MECOM: variants seen among roughly 807,000 people sequenced by gnomAD.
The protein encoded by MECOM is MDS1 and EVI1 complex locus.
Under a neutral mutation model 116.3 loss-of-function variants are expected in MECOM, and 13 were observed. The ratio of observed to expected loss-of-function variants is 0.11; its 90% CI spans 0.07 to 0.18. The LOEUF (loss-of-function observed/expected upper bound fraction) is 0.18, where lower values mean the gene tolerates loss of function less well. Ranked by LOEUF, MECOM falls within the 10% of genes least tolerant of loss-of-function variation. The probability of loss-of-function intolerance (pLI) is 1.00; values close to 1 mark genes in which losing one functional copy is unlikely to be tolerated. For synonymous variants in MECOM, 528 were observed against 535.2 expected, an observed-to-expected ratio of 0.99 and a Z score of 0.19; for missense variants, 1,299 against 1,509.0, an observed-to-expected ratio of 0.86 and a Z score of 2.31.
chr3:169,091,443 A>C (rs1444875033), intron 14 of MECOM, among the ~76,000 whole-genome samples: 1 of 152,158 alleles, frequency 6.6e-6, no homozygotes, highest in Non-Finnish European at 1.5e-5. Flanking sequence ...ACAAATCGCC[A>C]ATTAAAGGCT....
chr3:169,181,127 A>T (rs1745914882), intron 2 of MECOM, among the ~76,000 whole-genome samples: 1 of 152,052 alleles, frequency 6.6e-6, no homozygotes, highest in South Asian at 2.1e-4. Context: ...AGGGAATGAA[A>T]AACAGAGATG....
At chr3:169,610,527 G>GTGTA (rs946098201) in intron 1 of MECOM, among the ~76,000 whole-genome samples, 18 of 151,092 alleles carry the variant, frequency 1.2e-4, no homozygotes, top group East Asian at 5.9e-4. Context: ...GTGTGTGTGT[G>GTGTA]TATAATATCC....
intron 1 of MECOM, among the ~76,000 whole-genome samples, chr3:169,593,229 C>T (rs79302892): frequency 0.021 from 3,145 of 152,214 alleles, 45 homozygotes; most frequent in African/African-American, 0.031. Flanking sequence ...GGAAAACAAA[C>T]GCAGAAATGT....
intron 2 of MECOM, among the ~76,000 whole-genome samples, chr3:169,345,209 C>T (rs1725138902): frequency 6.6e-6 from 1 of 152,064 alleles, no homozygotes; most frequent in Non-Finnish European, 1.5e-5. Context: ...ATTATATCAA[C>T]TTGACTTATA....
chr3:169,226,516 CA>C (rs1752745449), intron 2 of MECOM, among the ~76,000 whole-genome samples: 1 of 152,144 alleles, frequency 6.6e-6, no homozygotes, highest in Admixed American at 6.6e-5. Context: ...TGATATTTAT[CA>C]AATATTTACT....
intron 2 of MECOM, among the ~76,000 whole-genome samples, chr3:169,176,520 G>A (rs1379658242): frequency 6.6e-6 from 1 of 152,104 alleles, no homozygotes; most frequent in Non-Finnish European, 1.5e-5. Flanking sequence ...AACCCTAGAA[G>A]AAAACCTAGG....
intron 2 of MECOM, among the ~76,000 whole-genome samples, chr3:169,219,501 C>A (rs559181004): frequency 6.6e-6 from 1 of 152,020 alleles, no homozygotes; most frequent in East Asian, 1.9e-4. Context: ...AGCGAGACTC[C>A]GTCTTAAAAA....
At chr3:169,271,362 C>T (rs764978436) in intron 2 of MECOM, among the ~76,000 whole-genome samples, 13 of 152,140 alleles carry the variant, frequency 8.5e-5, no homozygotes, top group Non-Finnish European at 1.2e-4. Flanking sequence ...GCACAAATAC[C>T]CAATGTTTCA....
At position 169,593,977 on chromosome 3, in the gene MECOM, C is replaced by T. The variant is rs9840069; in HGVS notation, c.37+69359G>A. 5.8e-3 allele frequency among the ~76,000 whole-genome samples: 882 copies of T among 151,760 alleles called. 9 individuals are homozygous for T. The highest frequency in any genetic ancestry group is 0.019 in the African/African-American group (803 of 41,348). On this transcript the variant is annotated intron_variant, in intron 1 of 16. Transcript: ENST00000651503. Reference sequence around the variant, plus strand: ...CTACTAAAAACACAAAAAAATTAGCCGGGTGTGGTGGTGCACGCCTGTAGT... The same window carrying T: ...CTACTAAAAACACAAAAAAATTAGCTGGGTGTGGTGGTGCACGCCTGTAGT...
At chr3:169,636,340 G>A (rs771781892) in intron 1 of MECOM, among the ~76,000 whole-genome samples, 23 of 152,104 alleles carry the variant, frequency 1.5e-4, no homozygotes, top group Non-Finnish European at 2.6e-4. Flanking sequence ...AGACTAAGGG[G>A]TTAATTTGCA....
intron 1 of MECOM, among the ~76,000 whole-genome samples, chr3:169,591,169 G>A (rs896781835): frequency 6.6e-6 from 1 of 152,164 alleles, no homozygotes; most frequent in African/African-American, 2.4e-5. Flanking sequence ...CCAGGACTGT[G>A]GCAATCCTCT....
At chr3:169,232,179 G>T (rs932108323) in intron 2 of MECOM, among the ~76,000 whole-genome samples, 2 of 151,904 alleles carry the variant, frequency 1.3e-5, no homozygotes, top group Admixed American at 1.3e-4. Context: ...AATTTCTCAC[G>T]TTTCTCTTAA....
At position 169,084,814 on chromosome 3, in the gene MECOM, A is replaced by G. The variant is rs1001424494; in HGVS notation, c.*95T>C. 2 of 1,409,496 alleles carry G rather than the reference A, an allele frequency of 1.4e-6. No homozygotes were observed. The highest frequency in any genetic ancestry group is 2.0e-6 in the Non-Finnish European group (2 of 1,015,030). 87.3% of individuals were successfully genotyped at this position (1,409,496 alleles called of 1,614,324 possible). On this transcript the variant is annotated 3_prime_UTR_variant, in exon 17 of 17. Coordinates refer to ENST00000651503, the MANE Select transcript of MECOM (RefSeq NM_004991.4). ...TTTAGATGAGTGACCCTGCAGGTTT[A>G]TAAGGCATTCTGCTCAGCAGTCTTG...
chr3:169,096,455 A>G (rs1721524521), intron 12 of MECOM, among the ~76,000 whole-genome samples: 1 of 151,964 alleles, frequency 6.6e-6, no homozygotes, highest in Non-Finnish European at 1.5e-5. Flanking sequence ...ATTTTTGTAG[A>G]GACAGAGTTT....
At chr3:169,378,459 A>AAGAG (rs1731589337) in intron 2 of MECOM, among the ~76,000 whole-genome samples, 8 of 60,298 alleles carry the variant, frequency 1.3e-4, no homozygotes, top group South Asian at 9.4e-4. Flanking sequence ...GAAGGAAAGC[A>AAGAG]AGCAAGCAAG....
At chr3:169,501,644 G>A (rs1754553077) in intron 1 of MECOM, among the ~76,000 whole-genome samples, 2 of 151,968 alleles carry the variant, frequency 1.3e-5, no homozygotes, top group African/African-American at 4.8e-5. Flanking sequence ...TCTTTCCTAT[G>A]CCGTTGACAA....
chr3:169,197,056 T>C (rs1046192298), intron 2 of MECOM, among the ~76,000 whole-genome samples: 1 of 152,006 alleles, frequency 6.6e-6, no homozygotes, highest in South Asian at 2.1e-4. Flanking sequence ...AGAGAACTAA[T>C]GCAGGAACAG....
At chr3:169,353,010 A>G (rs75921914) in intron 2 of MECOM, among the ~76,000 whole-genome samples, 1,612 of 151,990 alleles carry the variant, frequency 0.011, 11 homozygotes, top group East Asian at 0.043. Flanking sequence ...CTCTCCCCAA[A>G]AGGGAAGTTA....
chr3:169,178,761 C>A (rs980236599), intron 2 of MECOM, among the ~76,000 whole-genome samples: 1 of 152,146 alleles, frequency 6.6e-6, no homozygotes, highest in Admixed American at 6.5e-5. Context: ...ATATGTTACG[C>A]TAGATATCCA....
Sources: allele counts gnomAD v4.1 joint callset (sites outside exome capture counted in the v4.1 genomes callset), GRCh38; gene constraint gnomAD v4.1.1; transcripts MANE v1.5; gene names NCBI Gene and HGNC (gene_info 2026-07-23, HGNC 2026-07-21).